The following ARID1B variants were observed in gnomAD, a reference collection of about 807,000 sequenced individuals.
The protein encoded by ARID1B is AT-rich interactive domain-containing protein 1B.
In ARID1B, 30 loss-of-function variants were observed where a neutral mutation model predicts 212.3. That is an observed-to-expected ratio of 0.14 (90% CI 0.11 to 0.19). ARID1B has a LOEUF of 0.19. Ranked by LOEUF, ARID1B falls within the 10% of genes least tolerant of loss-of-function variation. The probability of loss-of-function intolerance (pLI) is 1.00; values close to 1 mark genes in which losing one functional copy is unlikely to be tolerated. For synonymous variants in ARID1B, 1,402 were observed against 1,301.7 expected, an observed-to-expected ratio of 1.08 and a Z score of -1.66; for missense variants, 2,891 against 3,204.0, an observed-to-expected ratio of 0.90 and a Z score of 2.36.
At chr6:156,802,048 C>T (rs921236075) in intron 1 of ARID1B, among the ~76,000 whole-genome samples, 5 of 152,212 alleles carry the variant, frequency 3.3e-5, no homozygotes, top group Non-Finnish European at 7.3e-5. Flanking sequence ...GCTGTTCTAT[C>T]GAAGGTGTGA....
At chr6:157,112,664 G>A (rs1028543426) in intron 6 of ARID1B, among the ~76,000 whole-genome samples, 3 of 152,138 alleles carry the variant, frequency 2.0e-5, no homozygotes, top group African/African-American at 4.8e-5. Context: ...CAACAGATAC[G>A]TGTTTGGGAA....
intron 4 of ARID1B, among the ~76,000 whole-genome samples, chr6:157,000,292 G>A (rs57029665): frequency 0.034 from 5,204 of 152,248 alleles, 294 homozygotes; most frequent in African/African-American, 0.12. Flanking sequence ...TTTCTGAATA[G>A]CACTCCAGAA....
At chr6:157,106,767 C>T (rs1242867798) in intron 5 of ARID1B, among the ~76,000 whole-genome samples, 2 of 152,142 alleles carry the variant, frequency 1.3e-5, no homozygotes, top group Non-Finnish European at 2.9e-5. Flanking sequence ...TTGGAGGTTA[C>T]TCGAGGGTGT....
At chr6:157,143,712 C>T (rs1306396738) in intron 7 of ARID1B, among the ~76,000 whole-genome samples, 1 of 152,208 alleles carries the variant, frequency 6.6e-6, no homozygotes, top group Non-Finnish European at 1.5e-5. Context: ...GAAGCCTGTG[C>T]TTTATCCATT....
chr6:157,068,093 C>T (rs539676965), intron 4 of ARID1B, among the ~76,000 whole-genome samples: 2 of 152,378 alleles, frequency 1.3e-5, no homozygotes, highest in South Asian at 2.1e-4. Flanking sequence ...TTTCACAAAA[C>T]ATTCTGTCTT....
At chr6:157,164,362 G>T (rs1791170975) in intron 8 of ARID1B, among the ~76,000 whole-genome samples, 1 of 152,224 alleles carries the variant, frequency 6.6e-6, no homozygotes, top group South Asian at 2.1e-4. Flanking sequence ...GACACGGATG[G>T]ACAGTGCTGT....
chr6:156,810,656 T>A (rs879343437), intron 1 of ARID1B, among the ~76,000 whole-genome samples: 1 of 152,120 alleles, frequency 6.6e-6, no homozygotes, highest in African/African-American at 2.4e-5. Context: ...ACAAACTTGA[T>A]ATAGAAGGTG....
rs1779918950 is a variant in ARID1B, at chr6:157,016,323, C to T, written c.2248-68339C>T. ...AGGTGCCACCATCGCCACCCCCCAC[C>T]CCAAATATCTAGATTTGTCCAGTGT... On this transcript the variant is annotated intron_variant, in intron 4 of 19. Transcript: ENST00000636930. Among the ~76,000 whole-genome samples, 3 of 152,136 alleles carry T rather than the reference C, an allele frequency of 2.0e-5. No homozygotes were observed. In the South Asian group the frequency reaches 6.2e-4, roughly 31 times the overall value.
chr6:157,145,574 A>C (rs923054005), intron 7 of ARID1B, among the ~76,000 whole-genome samples: 2 of 152,230 alleles, frequency 1.3e-5, no homozygotes, highest in Non-Finnish European at 2.9e-5. Context: ...AGAAGTCTGC[A>C]GAGGTCTCTT....
At chr6:157,132,806 C>T (rs977696941) in intron 6 of ARID1B, among the ~76,000 whole-genome samples, 6 of 152,188 alleles carry the variant, frequency 3.9e-5, no homozygotes, top group African/African-American at 1.4e-4. Flanking sequence ...CCATTGGCTT[C>T]CTGGGAATCC....
intron 5 of ARID1B, among the ~76,000 whole-genome samples, chr6:157,089,016 T>C (rs1313592117): frequency 1.3e-5 from 2 of 152,232 alleles, no homozygotes; most frequent in Non-Finnish European, 2.9e-5. Flanking sequence ...TCTTCTCTCC[T>C]GTTGCTTCCT....
At chr6:156,829,928 T>C (rs1172950680) in intron 2 of ARID1B, among the ~76,000 whole-genome samples, 1 of 152,260 alleles carries the variant, frequency 6.6e-6, no homozygotes, top group Non-Finnish European at 1.5e-5. Context: ...GAAAAAGGTT[T>C]CTGTATTTCA....
At chr6:156,921,740 A>C (rs1235912280) in intron 3 of ARID1B, among the ~76,000 whole-genome samples, 1 of 152,232 alleles carries the variant, frequency 6.6e-6, no homozygotes, top group African/African-American at 2.4e-5. Flanking sequence ...TTTGTAAAAA[A>C]AATTCAGCAG....
intron 3 of ARID1B, among the ~76,000 whole-genome samples, chr6:156,909,607 T>C (rs1224073993): frequency 6.6e-6 from 1 of 152,162 alleles, no homozygotes; most frequent in Non-Finnish European, 1.5e-5. Context: ...TCTGAAGCCT[T>C]TTTATCTAGG....
In ARID1B at chr6:156,901,382, C is replaced by T. The variant is rs1317165445; in HGVS notation, c.1993C>T (p.Pro665Ser). ...TTGCTTGACTTTTTGACAGATGCCACCTCAGTATGGACAGCAAGGTGTGAG... is the reference window on the plus strand; with the variant it reads ...TTGCTTGACTTTTTGACAGATGCCATCTCAGTATGGACAGCAAGGTGTGAG... Reference protein sequence around the residue: ...GMQYPQQQMPPQYGQQGVSGY... With the variant: ...GMQYPQQQMPSQYGQQGVSGY... The change falls in exon 3 of 20, where the codon CCT becomes TCT. Residue 665 changes from proline (P) to serine (S), a missense_variant. By Grantham distance (74) the Pro-to-Ser change is moderately conservative (BLOSUM62 -1). Transcript: ENST00000636930. 3.7e-6 allele frequency: 6 copies of T among 1,614,168 alleles called. No individual in the cohort carries two copies. The highest frequency in any genetic ancestry group is 5.1e-6 in the Non-Finnish European group (6 of 1,180,040).
chr6:156,786,319 C>T (rs1328598845), intron 1 of ARID1B, among the ~76,000 whole-genome samples: 1 of 151,940 alleles, frequency 6.6e-6, no homozygotes, highest in Non-Finnish European at 1.5e-5. Context: ...AAATTTGTGC[C>T]TCCCCCTCAT....
Position 156,901,382 on chromosome 6 carries a change from C to A in ARID1B, c.1993C>A (p.Pro665Thr). Reference protein sequence around the residue: ...GMQYPQQQMPPQYGQQGVSGY... With the variant: ...GMQYPQQQMPTQYGQQGVSGY... The stretch of plus-strand genomic sequence containing the variant: ...TTGCTTGACTTTTTGACAGATGCCA[C>A]CTCAGTATGGACAGCAAGGTGTGAG... The change falls in exon 3 of 20, where the codon CCT (proline) becomes ACT (threonine). Residue 665 changes from proline to threonine, a missense_variant. Pro to Thr is a conservative substitution (Grantham distance 38, BLOSUM62 -1). Coordinates refer to ENST00000636930, the MANE Select transcript of ARID1B (RefSeq NM_001374828.1). 6.2e-7 allele frequency: 1 copy of A among 1,614,168 alleles called. No individual in the cohort carries two copies. The highest frequency in any genetic ancestry group is 8.5e-7 in the Non-Finnish European group (1 of 1,180,040).
chr6:157,015,478 A>T (rs1779870715), intron 4 of ARID1B, among the ~76,000 whole-genome samples: 1 of 152,216 alleles, frequency 6.6e-6, no homozygotes, highest in African/African-American at 2.4e-5. Flanking sequence ...GGGATTCACC[A>T]CAATATTTGA....
chr6:157,148,687 C>G lies in ARID1B; in HGVS notation c.2825C>G (p.Pro942Arg). ...AGTGCAAGCTACAGCGGCCCAGGGC[C>G]CGGTATGGGTATCAGTGCCAACAAC... ...VPSASYSGPGPGMGISANNQM... is the reference protein window; with the variant it reads ...VPSASYSGPGRGMGISANNQM... Residue 942 changes from proline (P) to arginine (R), a missense_variant, in exon 8 of 20, where the codon CCC becomes CGC. Pro to Arg is a moderately radical substitution (Grantham distance 103). Around this residue, in one of 7 missense-constraint regions of ARID1B, gnomAD observed 1,643 missense variants for 1,544.0 expected, o/e 1.06. Coordinates refer to ENST00000636930, the MANE Select transcript of ARID1B (RefSeq NM_001374828.1). This position sits in a 1 kb window ranked among gnomAD's most constrained non-coding sequence, Gnocchi z 5.6. The G allele has an allele frequency of 6.2e-7, 1 of 1,612,178 alleles. No homozygotes were observed. Among genetic ancestry groups the G allele is most frequent in the Non-Finnish European group, 8.5e-7 (1 of 1,179,190 alleles).
Sources: gnomAD v4.1 joint callset for allele counts (sites outside exome capture counted in the v4.1 genomes callset) on GRCh38, gnomAD v4.1.1 for gene constraint, gnomAD v4.1.1 regional missense constraint, Gnocchi (gnomAD v3.1) non-coding constraint, MANE v1.5 for transcripts, NCBI Gene and HGNC (gene_info 2026-07-23, HGNC 2026-07-21) for gene names.